The following COX7B2 variants were observed in gnomAD, a reference collection of about 807,000 sequenced individuals.
The protein encoded by COX7B2 is cytochrome c oxidase subunit 7B2, mitochondrial.
For missense variants in COX7B2, 109 were observed against 95.9 expected, an observed-to-expected ratio of 1.14 and a Z score of -0.57; for synonymous variants, 37 against 32.1, an observed-to-expected ratio of 1.15 and a Z score of -0.51.
chr4:46,828,780 G>A (rs139055386), intron 2 of COX7B2, among the ~76,000 whole-genome samples: 1 of 152,086 alleles, frequency 6.6e-6, no homozygotes, highest in Non-Finnish European at 1.5e-5. Context: ...TAGTTTTCAG[G>A]GATACACATG....
In COX7B2 at chr4:46,816,850, C is replaced by T. The variant is rs1052941163; in HGVS notation, c.-50+28110G>A. Reference sequence around the variant, plus strand: ...TAATAAGTAATTGCTGAGGTATCACCGCTTACTGATTGAGTCCTACTTTGA... The same window carrying T: ...TAATAAGTAATTGCTGAGGTATCACTGCTTACTGATTGAGTCCTACTTTGA... On this transcript the variant is annotated intron_variant, in intron 2 of 2. Coordinates refer to ENST00000355591, the MANE Select transcript of COX7B2 (RefSeq NM_130902.3). Among the ~76,000 whole-genome samples, 6 of 152,084 alleles carry T rather than the reference C, an allele frequency of 3.9e-5. No homozygotes were observed. The East Asian group carries it at 1.2e-3, about 29-fold the overall frequency.
intron 1 of COX7B2, among the ~76,000 whole-genome samples, chr4:46,854,832 G>C (rs771273484): frequency 2.0e-5 from 3 of 152,050 alleles, no homozygotes; most frequent in Non-Finnish European, 4.4e-5. Flanking sequence ...GACTTGAAAA[G>C]AGTTATATTC....
chr4:46,756,147 A>G (rs1460062001), intron 2 of COX7B2, among the ~76,000 whole-genome samples: 1 of 152,110 alleles, frequency 6.6e-6, no homozygotes. Flanking sequence ...GAGGACCCAG[A>G]AATAAAGCCA....
chr4:46,884,445 G>A (rs368689720), intron 1 of COX7B2, among the ~76,000 whole-genome samples: 3 of 152,186 alleles, frequency 2.0e-5, no homozygotes, highest in Non-Finnish European at 4.4e-5. Flanking sequence ...TATTATCTCA[G>A]TTTTTGAAGC....
intron 1 of COX7B2, among the ~76,000 whole-genome samples, chr4:46,872,648 C>A (rs1718064639): frequency 2.0e-5 from 3 of 152,050 alleles, no homozygotes; most frequent in Non-Finnish European, 4.4e-5. Context: ...TAGAGCAGTT[C>A]TATTGCATAG....
intron 1 of COX7B2, among the ~76,000 whole-genome samples, chr4:46,853,924 A>G (rs1231298349): frequency 6.6e-6 from 1 of 152,140 alleles, no homozygotes; most frequent in Non-Finnish European, 1.5e-5. Flanking sequence ...GTTTTCACAC[A>G]GGTGGAATGA....
chr4:46,898,574 T>G (rs995407841), intron 1 of COX7B2, among the ~76,000 whole-genome samples: 1 of 152,028 alleles, frequency 6.6e-6, no homozygotes, highest in African/African-American at 2.4e-5. Context: ...TACACCACCA[T>G]GCCTGGCTAA....
At chr4:46,799,771 C>A (rs1442327381) in intron 2 of COX7B2, among the ~76,000 whole-genome samples, 2 of 151,970 alleles carry the variant, frequency 1.3e-5, no homozygotes, top group East Asian at 3.9e-4. Flanking sequence ...TGTTGAGGAT[C>A]TTTTTGTTTA....
chr4:46,845,608 C>A (rs1470929975), intron 1 of COX7B2, among the ~76,000 whole-genome samples: 2 of 151,732 alleles, frequency 1.3e-5, no homozygotes, highest in Non-Finnish European at 2.9e-5. Context: ...AACAGAAAGT[C>A]CCACCCAAAA....
intron 2 of COX7B2, among the ~76,000 whole-genome samples, chr4:46,773,188 T>C (rs1716973534): frequency 6.6e-6 from 1 of 152,166 alleles, no homozygotes; most frequent in Admixed American, 6.5e-5. Context: ...TAAGGTAGTA[T>C]CGTTTGACTG....
At chr4:46,803,602 T>C (rs985594610) in intron 2 of COX7B2, among the ~76,000 whole-genome samples, 1 of 152,174 alleles carries the variant, frequency 6.6e-6, no homozygotes, top group African/African-American at 2.4e-5. Flanking sequence ...CAAAAGTGTT[T>C]AGCATATATT....
At chr4:46,765,604 C>G (rs568845153) in intron 2 of COX7B2, among the ~76,000 whole-genome samples, 76 of 152,024 alleles carry the variant, frequency 5.0e-4, no homozygotes, top group African/African-American at 1.8e-3. Flanking sequence ...CCCCATGACC[C>G]CAGGTTCCAG....
chr4:46,845,624 A>T (rs1396539334), intron 1 of COX7B2, among the ~76,000 whole-genome samples: 1 of 152,000 alleles, frequency 6.6e-6, no homozygotes, highest in Non-Finnish European at 1.5e-5. Flanking sequence ...CAAAAAGCAG[A>T]TATTAATAGT....
At chr4:46,891,691 C>T (rs1166260739) in intron 1 of COX7B2, among the ~76,000 whole-genome samples, 1 of 152,134 alleles carries the variant, frequency 6.6e-6, no homozygotes, top group Non-Finnish European at 1.5e-5. Flanking sequence ...GTTTGTTTAG[C>T]CCTTCATCCA....
intron 1 of COX7B2, among the ~76,000 whole-genome samples, chr4:46,890,727 G>A (rs540859440): frequency 7.9e-5 from 12 of 152,208 alleles, no homozygotes; most frequent in Non-Finnish European, 1.6e-4. Context: ...CTCTGAAGGA[G>A]TGTTCTTAAA....
At chr4:46,769,240 G>T (rs1716730474) in intron 2 of COX7B2, among the ~76,000 whole-genome samples, 1 of 152,054 alleles carries the variant, frequency 6.6e-6, no homozygotes, top group African/African-American at 2.4e-5. Flanking sequence ...ATATTACCCT[G>T]ATACCAAAGC....
chr4:46,782,957 A>G (rs1349684013), intron 2 of COX7B2, among the ~76,000 whole-genome samples: 4 of 152,060 alleles, frequency 2.6e-5, no homozygotes, highest in Non-Finnish European at 5.9e-5. Context: ...AGTCAGCAAA[A>G]CCAAGAACCC....
chr4:46,762,231 A>G (rs1056638429), intron 2 of COX7B2, among the ~76,000 whole-genome samples: 1 of 142,920 alleles, frequency 7.0e-6, no homozygotes, highest in Non-Finnish European at 1.5e-5. Context: ...TATTATTTAT[A>G]TATTAAATAT....
rs1717885411 is a variant in COX7B2, at chr4:46,869,975, G to T, written c.-104-24961C>A. On this transcript the variant is annotated intron_variant, in intron 1 of 2. Transcript: ENST00000355591. ...CCATATACTGAAATATGTTTTCCAG[G>T]TTGTTTGCTTTCTCCTCCTCCCTTT... Among the ~76,000 whole-genome samples, 4 of 152,048 alleles carry T rather than the reference G, an allele frequency of 2.6e-5. No individual in the cohort carries two copies. The South Asian group carries it at 8.3e-4, about 31-fold the overall frequency.
Sources: allele counts gnomAD v4.1 joint callset (sites outside exome capture counted in the v4.1 genomes callset), GRCh38; gene constraint gnomAD v4.1.1; transcripts MANE v1.5; gene names NCBI Gene and HGNC (gene_info 2026-07-23, HGNC 2026-07-21).